Variants in PDZRN3 observed in about 807,000 individuals in gnomAD.
PDZRN3 encodes the protein E3 ubiquitin-protein ligase PDZRN3.
PDZRN3 carries 38 observed loss-of-function variants against 85.7 expected under a neutral mutation model. That is an observed-to-expected ratio of 0.44 (90% CI 0.34 to 0.58). The LOEUF (loss-of-function observed/expected upper bound fraction) is 0.58. Ranked by LOEUF, PDZRN3 falls within the 20% of genes least tolerant of loss-of-function variation. PDZRN3 has a pLI of 0.01. For synonymous variants in PDZRN3, 759 were observed against 638.0 expected, an observed-to-expected ratio of 1.19 and a Z score of -2.86; for missense variants, 1,629 against 1,506.4, an observed-to-expected ratio of 1.08 and a Z score of -1.35.
At chr3:73,443,503 G>C (rs562232482) in intron 3 of PDZRN3, among the ~76,000 whole-genome samples, 8 of 132,584 alleles carry the variant, frequency 6.0e-5, no homozygotes, top group Admixed American at 3.5e-4. Flanking sequence ...TTTTTTGGGG[G>C]GGGGACAGCG....
At chr3:73,392,033 C>A (rs1701539247) in intron 5 of PDZRN3, among the ~76,000 whole-genome samples, 1 of 152,304 alleles carries the variant, frequency 6.6e-6, no homozygotes, top group Non-Finnish European at 1.5e-5. Flanking sequence ...TCCAAGTGGT[C>A]TCTCTCAAGG....
chr3:73,550,547 T>C (rs1701530312), intron 3 of PDZRN3, among the ~76,000 whole-genome samples: 1 of 152,232 alleles, frequency 6.6e-6, no homozygotes, highest in South Asian at 2.1e-4. Flanking sequence ...AAAACCACTG[T>C]TGTAAGCAGA....
Position 73,384,704 on chromosome 3 carries a change from C to A in PDZRN3, c.1862G>T (p.Ser621Ile). 2 of 1,614,036 alleles carry A rather than the reference C, an allele frequency of 1.2e-6. No homozygotes were observed. The highest frequency in any genetic ancestry group is 8.5e-7 in the Non-Finnish European group (1 of 1,180,026). ...GTCGGCCGAAATGAAAGACTCGTTGCTGAAGGGCAGGTCGCCGCTGCCCAA... is the reference window on the plus strand; with the variant it reads ...GTCGGCCGAAATGAAAGACTCGTTGATGAAGGGCAGGTCGCCGCTGCCCAA... ...DTLGSGDLPFSNESFISADCT... is the reference protein window; with the variant it reads ...DTLGSGDLPFINESFISADCT... Residue 621 changes from serine (S) to isoleucine (I), a missense_variant, in exon 10 of 10, where the codon AGC (serine) becomes ATC (isoleucine). Coordinates refer to ENST00000263666, the MANE Select transcript of PDZRN3 (RefSeq NM_015009.3).
rs1262315562 is a variant in PDZRN3, at chr3:73,385,735, C to T, written c.1569G>A (p.Leu523=). The change falls in exon 9 of 10, where the codon CTG becomes CTA. Residue 523 remains leucine (L), a synonymous_variant. Transcript: ENST00000263666. ...GCTGCTCCTCCAGCATGTCCATGTG[C>T]AGGTCATCCAGAAAGTCGTTCCTGT... ...DDDRNDFLDD[L]HMDMLEEQHH... 1 of 1,614,050 alleles carries T rather than the reference C, an allele frequency of 6.2e-7. No individual in the cohort carries two copies. The highest frequency in any genetic ancestry group is 8.5e-7 in the Non-Finnish European group (1 of 1,179,924).
chr3:73,482,150 A>C (rs1426419073), intron 3 of PDZRN3, among the ~76,000 whole-genome samples: 1 of 152,250 alleles, frequency 6.6e-6, no homozygotes, highest in African/African-American at 2.4e-5. Context: ...CAGGTATGAG[A>C]TAGAAGCAGG....
intron 3 of PDZRN3, among the ~76,000 whole-genome samples, chr3:73,478,313 T>A (rs1305727663): frequency 1.3e-5 from 2 of 152,022 alleles, no homozygotes; most frequent in African/African-American, 4.8e-5. Context: ...CTAAGCTCTG[T>A]CTCCTGTCAG....
chr3:73,469,452 T>C (rs558123396), intron 3 of PDZRN3, among the ~76,000 whole-genome samples: 188 of 152,308 alleles, frequency 1.2e-3, no homozygotes, highest in African/African-American at 4.3e-3. Flanking sequence ...TCAGGTGACT[T>C]TGGAGTCTTC....
chr3:73,438,651 T>C (rs1702576493), intron 3 of PDZRN3, among the ~76,000 whole-genome samples: 1 of 152,238 alleles, frequency 6.6e-6, no homozygotes, highest in Non-Finnish European at 1.5e-5. Flanking sequence ...TGGCTCTTCT[T>C]TCCTGGGGAT....
In PDZRN3 at chr3:73,384,786, T is replaced by A; in HGVS notation, c.1780A>T (p.Thr594Ser). 1 of 1,614,002 alleles carries A rather than the reference T, an allele frequency of 6.2e-7. No homozygotes were observed. The highest frequency in any genetic ancestry group is 8.5e-7 in the Non-Finnish European group (1 of 1,180,038). Residue 594 changes from threonine (T) to serine (S), a missense_variant, in exon 10 of 10, where the codon ACC (threonine) becomes TCC (serine). Transcript: ENST00000263666. ...CCCGCCAGCGGGTTGGAGGATGCGG[T>A]GGCGTCGTCGCCATTGTTCTCTTGC... ...SEQENNGDDA[T>S]ASSNPLAGQR... is the part of the protein sequence containing the mutation.
chr3:73,457,445 ACT>A (rs1218169840), intron 3 of PDZRN3, among the ~76,000 whole-genome samples: 1 of 152,034 alleles, frequency 6.6e-6, no homozygotes, highest in Non-Finnish European at 1.5e-5. Flanking sequence ...GAAATGGTAT[ACT>A]GAGTGGAGAA....
At chr3:73,519,666 G>A (rs900453112) in intron 3 of PDZRN3, among the ~76,000 whole-genome samples, 49 of 152,294 alleles carry the variant, frequency 3.2e-4, no homozygotes, top group African/African-American at 1.1e-3. Flanking sequence ...GTAAAGAGTC[G>A]TAACAGAAAA....
chr3:73,551,618 C>T (rs763469892), intron 3 of PDZRN3, among the ~76,000 whole-genome samples: 39 of 146,460 alleles, frequency 2.7e-4, no homozygotes, highest in Non-Finnish European at 4.4e-4. Flanking sequence ...GAGCCTGGGA[C>T]GTCAAGGCTG....
chr3:73,431,174 T>A (rs1030949628), intron 3 of PDZRN3, among the ~76,000 whole-genome samples: 1 of 152,362 alleles, frequency 6.6e-6, no homozygotes, highest in South Asian at 2.1e-4. Context: ...CAATCACTGA[T>A]GCGTCTGCAC....
intron 3 of PDZRN3, among the ~76,000 whole-genome samples, chr3:73,405,879 C>T (rs1701844633): frequency 6.6e-6 from 1 of 152,188 alleles, no homozygotes; most frequent in East Asian, 1.9e-4. Flanking sequence ...GGTTGTAAAG[C>T]TGTTTTTCTC....
intron 3 of PDZRN3, among the ~76,000 whole-genome samples, chr3:73,503,574 T>C (rs1041461895): frequency 1.8e-4 from 27 of 152,236 alleles, no homozygotes; most frequent in Admixed American, 2.0e-4. Context: ...TAAAAAATTC[T>C]TCTTTTGCTT....
intron 3 of PDZRN3, among the ~76,000 whole-genome samples, chr3:73,557,487 C>T (rs35594519): frequency 0.46 from 70,417 of 151,964 alleles, 16,538 homozygotes; most frequent in South Asian, 0.49. Context: ...TGTGGTTATT[C>T]TTTATTCCCA....
At chr3:73,464,217 C>G (rs908395651) in intron 3 of PDZRN3, among the ~76,000 whole-genome samples, 1 of 152,148 alleles carries the variant, frequency 6.6e-6, no homozygotes, top group African/African-American at 2.4e-5. Flanking sequence ...GAACTCCTGA[C>G]CTCATGATCC....
In PDZRN3 at chr3:73,384,597, T is replaced by C. The variant is rs1559646863; in HGVS notation, c.1969A>G (p.Lys657Glu). The C allele has an allele frequency of 2.0e-5, 32 of 1,613,664 alleles. No homozygotes were observed. The highest frequency in any genetic ancestry group is 2.5e-5 in the Non-Finnish European group (29 of 1,180,032). ...RELLELKCQV[K>E]SATPYGLYYP... ...TACAGGCCGTAAGGGGTGGCGCTCT[T>C]CACCTGGCACTTGAGCTCCAGGAGC... Residue 657 changes from lysine to glutamate, a missense_variant, in exon 10 of 10, where the codon AAG becomes GAG. Lys to Glu is a moderately conservative substitution (Grantham distance 56). Coordinates refer to ENST00000263666, the MANE Select transcript of PDZRN3 (RefSeq NM_015009.3).
intron 3 of PDZRN3, among the ~76,000 whole-genome samples, chr3:73,512,517 T>C (rs191113583): frequency 2.2e-4 from 33 of 152,152 alleles, no homozygotes; most frequent in Admixed American, 2.0e-3. Context: ...ATATGGGAAT[T>C]TTAGTTGTTT....
Sources: gnomAD v4.1 joint callset for allele counts (sites outside exome capture counted in the v4.1 genomes callset) on GRCh38, gnomAD v4.1.1 for gene constraint, MANE v1.5 for transcripts, NCBI Gene and HGNC (gene_info 2026-07-23, HGNC 2026-07-21) for gene names.